SOX11: variants seen among roughly 807,000 people sequenced by gnomAD.
SOX11 encodes the protein SRY-box transcription factor 11.
SOX11 carries 5 observed loss-of-function variants against 16.7 expected under a neutral mutation model. The observed-to-expected ratio is 0.30, with a 90% CI of 0.16 to 0.63. The LOEUF (loss-of-function observed/expected upper bound fraction) is 0.63. Ranked by LOEUF, SOX11 falls within the 20% of genes least tolerant of loss-of-function variation. The probability of loss-of-function intolerance (pLI) is 0.82; values close to 1 mark genes in which losing one functional copy is unlikely to be tolerated. For synonymous variants in SOX11, 363 were observed against 298.8 expected (o/e 1.21, Z -2.22); for missense variants, 492 against 641.5 (o/e 0.77, Z 2.52).
At position 5,698,228 on chromosome 2, in the gene SOX11, T is replaced by C. The variant is rs1338031690; in HGVS notation, c.*4181T>C. The C allele has an allele frequency of 6.0e-6, 1 of 167,142 alleles. No homozygotes were observed. The highest frequency in any genetic ancestry group is 1.5e-5 in the Non-Finnish European group (1 of 68,128). The allele number at this position is 167,142 out of a possible 1,614,324, so 10.4% of individuals were successfully genotyped here. A position where few individuals can be genotyped will look rare whatever the true frequency, so the allele number is the denominator to read the frequency against. On this transcript the variant is annotated 3_prime_UTR_variant, in exon 1 of 1. Coordinates refer to ENST00000322002, the MANE Select transcript of SOX11 (RefSeq NM_003108.4). ...ATTGAGTGTCTAAAACATAGTATAA[T>C]ACACATGGTATTCTTGCCACTGGAT...
chr2:5,694,086 G>C lies in SOX11; in HGVS notation c.*39G>C. 1 of 1,516,332 alleles carries C rather than the reference G, an allele frequency of 6.6e-7. No homozygotes were observed. Among genetic ancestry groups the C allele is most frequent in the Non-Finnish European group, 8.8e-7 (1 of 1,130,860 alleles). 93.9% of individuals were successfully genotyped at this position (1,516,332 alleles called of 1,614,324 possible). ...CTCGCTCTTTCTCTCGGAGGGTGCA[G>C]AGCTGGGTTCCTTGGGAGGAAGTTG... On this transcript the variant is annotated 3_prime_UTR_variant, in exon 1 of 1. Transcript: ENST00000322002.
In SOX11 at chr2:5,698,663, T is replaced by C. The variant is rs1665786456; in HGVS notation, c.*4616T>C. ...GGGCAAATTATTTGTAGAATGATTA[T>C]CCTTTAGCTAGAGAAAGAAATCATT... On this transcript the variant is annotated 3_prime_UTR_variant, in exon 1 of 1. Transcript: ENST00000322002. 1 of 167,114 alleles carries C rather than the reference T, an allele frequency of 6.0e-6. No homozygotes were observed. Among genetic ancestry groups the C allele is most frequent in the Non-Finnish European group, 1.5e-5 (1 of 68,116 alleles). 10.4% of individuals were successfully genotyped at this position (167,114 alleles called of 1,614,324 possible).
chr2:5,700,011 G>A lies in SOX11; in HGVS notation c.*5964G>A, dbSNP rs75529147. On this transcript the variant is annotated 3_prime_UTR_variant, in exon 1 of 1. Coordinates refer to ENST00000322002, the MANE Select transcript of SOX11 (RefSeq NM_003108.4). ...TGTATAAAAGTAATAACTTTATTGG[G>A]TAGAGATATTCTTACAAGATCTAGC... 2,684 of 167,122 alleles carry A rather than the reference G, an allele frequency of 0.016. 33 individuals carry two copies. The highest frequency in any genetic ancestry group is 0.027 in the Middle Eastern group (8 of 296). 10.4% of individuals were successfully genotyped at this position (167,122 alleles called of 1,614,324 possible). A position where few individuals can be genotyped will look rare whatever the true frequency, so the allele number is the denominator to read the frequency against.
In SOX11 at chr2:5,693,549, C is replaced by T. The variant is rs1665676503; in HGVS notation, c.828C>T (p.Pro276=). 3 of 1,565,642 alleles carry T rather than the reference C, an allele frequency of 1.9e-6. No individual in the cohort carries two copies. Among genetic ancestry groups the T allele is most frequent in the African/African-American group, 1.3e-5 (1 of 74,168 alleles). The change falls in exon 1 of 1, where the codon CCC becomes CCT. Residue 276 remains proline (P), a synonymous_variant. Transcript: ENST00000322002. The surrounding 1 kb of genome is among the most constrained non-coding windows in gnomAD (Gnocchi z 8.6). ...GACGCTACAACGTCGCCAAAGTGCCCGCCAGCCCTACGCTGAGCAGCTCGG... is the reference window on the plus strand; with the variant it reads ...GACGCTACAACGTCGCCAAAGTGCCTGCCAGCCCTACGCTGAGCAGCTCGG... ...LLRRYNVAKV[P]ASPTLSSSAE... is the part of the protein sequence containing the mutation.
Position 5,692,697 on chromosome 2 carries a change from G to T in SOX11, c.-25G>T. The T allele has an allele frequency of 6.5e-7, 1 of 1,538,720 alleles. No individual in the cohort carries two copies. Among genetic ancestry groups the T allele is most frequent in the Non-Finnish European group, 8.8e-7 (1 of 1,138,468 alleles). Reference sequence around the variant, plus strand: ...CGCACGAGACCCAGCGGCCCGGGTTGGAGCGTCCAGCCCTGCAGCGGATCA... The same window carrying T: ...CGCACGAGACCCAGCGGCCCGGGTTTGAGCGTCCAGCCCTGCAGCGGATCA... On this transcript the variant is annotated 5_prime_UTR_variant, in exon 1 of 1. Transcript: ENST00000322002.
Position 5,692,653 on chromosome 2 carries a change from G to A in SOX11, c.-69G>A. 1 of 1,347,722 alleles carries A rather than the reference G, an allele frequency of 7.4e-7. No individual in the cohort carries two copies. The highest frequency in any genetic ancestry group is 2.5e-5 in the East Asian group (1 of 39,940). The allele number at this position is 1,347,722 out of a possible 1,614,324, so 83.5% of individuals were successfully genotyped here. A position where few individuals can be genotyped will look rare whatever the true frequency, so the allele number is the denominator to read the frequency against. The stretch of plus-strand genomic sequence containing the variant: ...ACTTGCCCAGGAAGGTGGAGGGGTG[G>A]GAGGGGGAGGGGGACCTCCGCACGA... On this transcript the variant is annotated 5_prime_UTR_variant, in exon 1 of 1. Transcript: ENST00000322002.
rs1665736931 is a variant in SOX11, at chr2:5,696,766, C to G, written c.*2719C>G. On this transcript the variant is annotated 3_prime_UTR_variant, in exon 1 of 1. Coordinates refer to ENST00000322002, the MANE Select transcript of SOX11 (RefSeq NM_003108.4). ...TGCGGGGTGAGAGGAAGAAAGCAAA[C>G]CCGGGGAGCAGGCGGCTGCCGCACC... is the stretch of plus-strand genomic sequence containing the variant. The G allele has an allele frequency of 6.6e-6, 1 of 152,356 alleles. No individual in the cohort carries two copies. The highest frequency in any genetic ancestry group is 6.5e-5 in the Admixed American group (1 of 15,294). 9.4% of individuals were successfully genotyped at this position (152,356 alleles called of 1,614,324 possible).
rs1665757233 is a variant in SOX11 at position 5,697,443 on chromosome 2, A to ACCCCCCCCCCCGCCCCCC, written c.*3400_*3401insCCCCCCCGCCCCCCCCCC. 9.6e-6 allele frequency: 1 copy of ACCCCCCCCCCCGCCCCCC among 104,002 alleles called. No individual in the cohort carries two copies. The highest frequency in any genetic ancestry group is 2.3e-5 in the Non-Finnish European group (1 of 44,420). The allele number at this position is 104,002 out of a possible 1,614,324, so 6.4% of individuals were successfully genotyped here. ...TTTTGCCTTACTCGATCTTACCACC[A>ACCCCCCCCCCCGCCCCCC]CCCCTCCCCCGGCCCCCCGACTGAG... On this transcript the variant is annotated 3_prime_UTR_variant, in exon 1 of 1. Coordinates refer to ENST00000322002, the MANE Select transcript of SOX11 (RefSeq NM_003108.4).
At position 5,695,969 on chromosome 2, in the gene SOX11, C is replaced by G. The variant is rs1455640809; in HGVS notation, c.*1922C>G. ...GCTGCGCGGAGGCTCGGGAGCTGGC[C>G]GGGGAGGGGCGGATGGAGGGGCCTG... On this transcript the variant is annotated 3_prime_UTR_variant, in exon 1 of 1. Coordinates refer to ENST00000322002, the MANE Select transcript of SOX11 (RefSeq NM_003108.4). 6.0e-6 allele frequency: 1 copy of G among 167,150 alleles called. No individual in the cohort carries two copies. 10.4% of individuals were successfully genotyped at this position (167,150 alleles called of 1,614,324 possible).
rs1420816592 is a variant in SOX11 at position 5,693,262 on chromosome 2, G to A, written c.541G>A (p.Gly181Ser). Residue 181 changes from glycine to serine, a missense_variant, in exon 1 of 1, where the codon GGC becomes AGC. By Grantham distance (56) the Gly-to-Ser change is moderately conservative. This residue lies in a region of SOX11 where 389 missense variants were observed against 389.0 expected (regional missense o/e 1.00). Transcript: ENST00000322002. This position sits in a 1 kb window ranked among gnomAD's most constrained non-coding sequence, Gnocchi z 8.6. ...CCCCGCGGCCGCGGGCGCCAAGGCG[G>A]GCGCGGGCAAGGCGGCCCAGTCCGG... ...KAPAAAGAKA[G>S]AGKAAQSGDY... 1 of 1,379,888 alleles carries A rather than the reference G, an allele frequency of 7.2e-7. No homozygotes were observed. Among genetic ancestry groups the A allele is most frequent in the Non-Finnish European group, 9.3e-7 (1 of 1,078,850 alleles). 85.5% of individuals were successfully genotyped at this position (1,379,888 alleles called of 1,614,324 possible).
In SOX11 at chr2:5,697,237, T is replaced by G. The variant is rs1355881618; in HGVS notation, c.*3190T>G. 1 of 167,010 alleles carries G rather than the reference T, an allele frequency of 6.0e-6. No individual in the cohort carries two copies. Among genetic ancestry groups the G allele is most frequent in the Non-Finnish European group, 1.5e-5 (1 of 68,132 alleles). 10.3% of individuals were successfully genotyped at this position (167,010 alleles called of 1,614,324 possible). On this transcript the variant is annotated 3_prime_UTR_variant, in exon 1 of 1. Coordinates refer to ENST00000322002, the MANE Select transcript of SOX11 (RefSeq NM_003108.4). ...CGCCCGCAGCGGAGGAGGTTTTCAG[T>G]GGCTGATTGAAACTCACTGCAAAAT...
rs1665791944 is a variant in SOX11 at position 5,699,035 on chromosome 2, T to C, written c.*4988T>C. 1 of 167,060 alleles carries C rather than the reference T, an allele frequency of 6.0e-6. No homozygotes were observed. Among genetic ancestry groups the C allele is most frequent in the African/African-American group, 2.4e-5 (1 of 41,446 alleles). 10.3% of individuals were successfully genotyped at this position (167,060 alleles called of 1,614,324 possible). On this transcript the variant is annotated 3_prime_UTR_variant, in exon 1 of 1. Coordinates refer to ENST00000322002, the MANE Select transcript of SOX11 (RefSeq NM_003108.4). ...ATTCTCTGATATGATTAATAATATG[T>C]ATATTCTTACTTTTCTTCTAATGGG...
Position 5,692,936 on chromosome 2 carries a change from C to T in SOX11, c.215C>T (p.Pro72Leu). The change falls in exon 1 of 1, where the codon CCG becomes CTG. Residue 72 changes from proline (P) to leucine (L), a missense_variant. Coordinates refer to ENST00000322002, the MANE Select transcript of SOX11 (RefSeq NM_003108.4). ...IERRKIMEQS[P>L]DMHNAEISKR... ...CGCAGGAAGATCATGGAGCAGTCTC[C>T]GGACATGCACAACGCCGAGATCTCC... 6.2e-7 allele frequency: 1 copy of T among 1,611,264 alleles called. No individual in the cohort carries two copies.
Position 5,693,348 on chromosome 2 carries a change from C to G in SOX11, c.627C>G (p.Gly209=). Residue 209 remains glycine, a synonymous_variant, in exon 1 of 1, where the codon GGC becomes GGG. Transcript: ENST00000322002. This position sits in a 1 kb window ranked among gnomAD's most constrained non-coding sequence, Gnocchi z 8.6. ...VLGSLRVSGS[G]GGGAGKTVKC... ...GCAGCCTGCGCGTGAGCGGCTCGGG[C>G]GGCGGCGGCGCGGGCAAGACGGTCA... 3 of 1,589,196 alleles carry G rather than the reference C, an allele frequency of 1.9e-6. No individual in the cohort carries two copies. The highest frequency in any genetic ancestry group is 1.7e-6 in the Non-Finnish European group (2 of 1,176,630).
rs935518673 is a variant in SOX11 at position 5,695,284 on chromosome 2, G to A, written c.*1237G>A. ...TTGTAGGTAAAGATTTATTGAAAATGGTGATATAGACCTCAGAGCTGTTAT... is the reference window on the plus strand; with the variant it reads ...TTGTAGGTAAAGATTTATTGAAAATAGTGATATAGACCTCAGAGCTGTTAT... On this transcript the variant is annotated 3_prime_UTR_variant, in exon 1 of 1. Coordinates refer to ENST00000322002, the MANE Select transcript of SOX11 (RefSeq NM_003108.4). 2 of 166,688 alleles carry A rather than the reference G, an allele frequency of 1.2e-5. No homozygotes were observed. Among genetic ancestry groups the A allele is most frequent in the African/African-American group, 4.8e-5 (2 of 41,338 alleles). 10.3% of individuals were successfully genotyped at this position (166,688 alleles called of 1,614,324 possible). A position where few individuals can be genotyped will look rare whatever the true frequency, so the allele number is the denominator to read the frequency against.
chr2:5,699,709 C>CTTTTTTTTTTTTT lies in SOX11; in HGVS notation c.*5668_*5680dup, dbSNP rs60344356. On this transcript the variant is annotated 3_prime_UTR_variant, in exon 1 of 1. Transcript: ENST00000322002. ...TCTCTTCCATTTTACTTACTGCTGGCTTTTTTTTTTTTTTTTTTCCTTGAT... is the reference window on the plus strand; with the variant it reads ...TCTCTTCCATTTTACTTACTGCTGGCTTTTTTTTTTTTTTTTTTTTTTTTTTTTTTTCCTTGAT... The CTTTTTTTTTTTTT allele has an allele frequency of 7.1e-6, 1 of 140,954 alleles. No homozygotes were observed. Among genetic ancestry groups the CTTTTTTTTTTTTT allele is most frequent in the African/African-American group, 2.7e-5 (1 of 36,514 alleles). 8.7% of individuals were successfully genotyped at this position (140,954 alleles called of 1,614,324 possible). A position where few individuals can be genotyped will look rare whatever the true frequency, so the allele number is the denominator to read the frequency against.
chr2:5,693,768 C>CAGCAGCGGCAGT lies in SOX11; in HGVS notation c.1058_1059insTAGCAGCGGCAG (p.Ser351_Ser354dup). ...CCTCCTCGTCCAGCAGCAGCGGCAG[C>CAGCAGCGGCAGT]AGCAGCGGCAGCAGCGGCGAGGACG... On this transcript the variant is annotated inframe_insertion, in exon 1 of 1. Transcript: ENST00000322002. This position sits in a 1 kb window ranked among gnomAD's most constrained non-coding sequence, Gnocchi z 8.6. 1 of 1,568,374 alleles carries CAGCAGCGGCAGT rather than the reference C, an allele frequency of 6.4e-7. No individual in the cohort carries two copies. Among genetic ancestry groups the CAGCAGCGGCAGT allele is most frequent in the Non-Finnish European group, 8.6e-7 (1 of 1,158,650 alleles).
Position 5,696,902 on chromosome 2 carries a change from C to G in SOX11, c.*2855C>G, listed in dbSNP as rs1665741520. ...AAGGTGGATCCGCATCTTGATTGTT[C>G]TCCGGGAGCCTCCTGGGGGCTCCGG... On this transcript the variant is annotated 3_prime_UTR_variant, in exon 1 of 1. Coordinates refer to ENST00000322002, the MANE Select transcript of SOX11 (RefSeq NM_003108.4). 6.2e-6 allele frequency: 1 copy of G among 161,532 alleles called. No individual in the cohort carries two copies. The highest frequency in any genetic ancestry group is 2.1e-4 in the South Asian group (1 of 4,826). The allele number at this position is 161,532 out of a possible 1,614,324, so 10.0% of individuals were successfully genotyped here.
chr2:5,697,167 G>C lies in SOX11; in HGVS notation c.*3120G>C, dbSNP rs981482602. ...GAGGAGGGAGGCTGGGAGGCCGCTC[G>C]GGGCCCAGCGTGCCAGCCCCGGAGT... On this transcript the variant is annotated 3_prime_UTR_variant, in exon 1 of 1. Transcript: ENST00000322002. 1.2e-5 allele frequency: 2 copies of C among 165,482 alleles called. No homozygotes were observed. Among genetic ancestry groups the C allele is most frequent in the Non-Finnish European group, 1.5e-5 (1 of 68,104 alleles). 10.3% of individuals were successfully genotyped at this position (165,482 alleles called of 1,614,324 possible).
Sources: allele counts gnomAD v4.1 joint callset, GRCh38; gene constraint gnomAD v4.1.1; regional missense constraint gnomAD v4.1.1; non-coding constraint Gnocchi (gnomAD v3.1); transcripts MANE v1.5; gene names NCBI Gene and HGNC (gene_info 2026-07-23, HGNC 2026-07-21).